Variants in ENG observed in about 807,000 individuals in gnomAD.
ENG encodes the protein CD105 antigen.
A neutral mutation model predicts 71.0 loss-of-function variants in ENG; 17 were observed. The observed-to-expected ratio is 0.24, with a 90% confidence interval of 0.16 to 0.36. ENG has a LOEUF of 0.36. Ranked by LOEUF, ENG falls within the 10% of genes least tolerant of loss-of-function variation. ENG has a pLI of 1.00. For missense variants in ENG, 749 were observed against 868.3 expected, an observed-to-expected ratio of 0.86 and a Z score of 1.73; for synonymous variants, 360 against 366.9, an observed-to-expected ratio of 0.98 and a Z score of 0.21.
rs1830619812 is a variant in ENG, at chr9:127,826,532, G to A, written c.501C>T (p.Ser167=). The A allele has an allele frequency of 1.2e-6, 2 of 1,614,126 alleles. No individual in the cohort carries two copies. Among genetic ancestry groups the A allele is most frequent in the Non-Finnish European group, 1.7e-6 (2 of 1,179,990 alleles). Reference sequence around the variant, plus strand: ...GACCTTGGCCCAGTCGGAGGAGGATGCTCTGGGGGTCATTCAGCTCAGCAG... The same window carrying A: ...GACCTTGGCCCAGTCGGAGGAGGATACTCTGGGGGTCATTCAGCTCAGCAG... ...TSAAELNDPQ[S]ILLRLGQAQG... Residue 167 remains serine, a synonymous_variant, in exon 4 of 15, where the codon AGC becomes AGT. Transcript: ENST00000373203.
chr9:127,816,202 G>C, intron 13 of ENG, 149 bp from the exon 14 acceptor site: 1 of 1,009,592 alleles, frequency 9.9e-7, no homozygotes, highest in Non-Finnish European at 1.5e-6. Flanking sequence ...TGCAGCAAAC[G>C]GGCTCATCAC....
At chr9:127,819,876 T>C (rs1199153414) in intron 9 of ENG, 24 bp downstream of exon 9, 1 of 1,614,188 alleles carries the variant, frequency 6.2e-7, no homozygotes, top group Non-Finnish European at 8.5e-7. Context: ...CTGGTCCTGA[T>C]ACCTTTTTGG....
chr9:127,819,939 G>A lies in ENG; in HGVS notation c.1233C>T (p.Ser411=), dbSNP rs137870512. Residue 411 remains serine, a synonymous_variant, in exon 9 of 15, where the codon AGC becomes AGT. Transcript: ENST00000373203. The stretch of plus-strand genomic sequence containing the variant: ...TACTTGCTGACACCTGCATGCCACA[G>A]CTGGAGTAAGCACTGCGCAAGACAA... ...DKFVLRSAYS[S]CGMQVSASMI... is the part of the protein sequence containing the mutation. 90 of 1,614,228 alleles carry A rather than the reference G, an allele frequency of 5.6e-5. No individual in the cohort carries two copies. The African/African-American group carries it at 1.1e-3, about 20-fold the overall frequency.
chr9:127,850,849 G>A (rs1019130076), intron 1 of ENG, among the ~76,000 whole-genome samples: 4 of 152,172 alleles, frequency 2.6e-5, no homozygotes, highest in Admixed American at 6.5e-5. Flanking sequence ...TGTGCATTGT[G>A]GTAGTATTTA....
chr9:127,834,367 A>G (rs927045558), intron 2 of ENG, among the ~76,000 whole-genome samples: 1 of 151,926 alleles, frequency 6.6e-6, no homozygotes, highest in Non-Finnish European at 1.5e-5. Context: ...CCTCCCGAGC[A>G]GCTGGGACTA....
Position 127,819,668 on chromosome 9 carries a change from GA to G in ENG, c.1273-9del. On this transcript the variant is annotated splice_polypyrimidine_tract_variant and intron_variant, in intron 9 of 14. Coordinates refer to ENST00000373203, the MANE Select transcript of ENG (RefSeq NM_001114753.3). Reference sequence around the variant, plus strand: ...CAGGATATTGACCACCGCCTGCGGGGATAAAGCCAGGGAGCTGGTCAGAGCC... The same window carrying G: ...CAGGATATTGACCACCGCCTGCGGGGTAAAGCCAGGGAGCTGGTCAGAGCC... 2 of 1,607,262 alleles carry G rather than the reference GA, an allele frequency of 1.2e-6. No individual in the cohort carries two copies. Among genetic ancestry groups the G allele is most frequent in the Non-Finnish European group, 1.7e-6 (2 of 1,176,822 alleles).
At chr9:127,816,846 T>C (rs1285675080) in intron 13 of ENG, 3 of 495,422 alleles carry the variant, frequency 6.1e-6, no homozygotes, top group Non-Finnish European at 1.1e-5. Context: ...GACTCCATCC[T>C]CCCAGCAAGG....
chr9:127,843,989 T>G (rs1311544584), intron 1 of ENG, among the ~76,000 whole-genome samples: 4 of 149,266 alleles, frequency 2.7e-5, no homozygotes, highest in Admixed American at 2.7e-4. Context: ...CAGGTTGGTC[T>G]CGAACTCCTG....
At chr9:127,839,847 C>T (rs1443436570) in intron 2 of ENG, among the ~76,000 whole-genome samples, 3 of 152,126 alleles carry the variant, frequency 2.0e-5, no homozygotes, top group Non-Finnish European at 2.9e-5. Context: ...TGAGCCACTG[C>T]GCCTGACCTG....
At chr9:127,834,160 C>T (rs528837912) in intron 2 of ENG, among the ~76,000 whole-genome samples, 21 of 152,356 alleles carry the variant, frequency 1.4e-4, no homozygotes, top group South Asian at 1.0e-3. Flanking sequence ...GCCACCTCCG[C>T]CTCCTGGGTT....
rs146160476 is a variant in ENG, at chr9:127,823,390, C to CTT, written c.1134+912_1134+913dup. On this transcript the variant is annotated intron_variant, in intron 8 of 14. Transcript: ENST00000373203. The stretch of plus-strand genomic sequence containing the variant: ...CCAGGCAGTGATCATATTGTATAGG[C>CTT]TTTTTTTTTTTTCTTTGAGATGGAG... Among the ~76,000 whole-genome samples the CTT allele has an allele frequency of 5.6e-5, 8 of 143,118 alleles. No homozygotes were observed. The East Asian group carries it at 1.6e-3, about 29-fold the overall frequency. 93.9% of individuals were successfully genotyped at this position (143,118 alleles called of 152,430 possible). A position where few individuals can be genotyped will look rare whatever the true frequency, so the allele number is the denominator to read the frequency against.
At chr9:127,823,425 G>C (rs1476550576) in intron 8 of ENG, among the ~76,000 whole-genome samples, 1 of 147,184 alleles carries the variant, frequency 6.8e-6, no homozygotes, top group East Asian at 2.0e-4. Context: ...GTCTCTCTCT[G>C]TCACCCAAGC....
chr9:127,828,410 T>C (rs762019159), intron 3 of ENG, among the ~76,000 whole-genome samples: 1 of 152,156 alleles, frequency 6.6e-6, no homozygotes, highest in Non-Finnish European at 1.5e-5. Flanking sequence ...TTGGCCTCTT[T>C]GTCCCCTCTG....
At chr9:127,825,458 GGT>G in intron 5 of ENG, 101 bp from the exon 6 acceptor site, 1 of 1,570,388 alleles carries the variant, frequency 6.4e-7, no homozygotes, top group Non-Finnish European at 8.6e-7. Flanking sequence ...TACCTGGCCA[GGT>G]GTGGGTTTAT....
chr9:127,826,921 C>T, intron 3 of ENG: 1 of 529,088 alleles, frequency 1.9e-6, no homozygotes, highest in Non-Finnish European at 3.4e-6. Flanking sequence ...GTCCAAACAT[C>T]ACCCACCCCT....
At chr9:127,815,904 G>A (rs1477038040) in intron 14 of ENG, 39 bp downstream of exon 14, 3 of 1,576,110 alleles carry the variant, frequency 1.9e-6, no homozygotes, top group South Asian at 1.2e-5. Flanking sequence ...GTGGATGGAG[G>A]GGCCCGGCAT....
At chr9:127,839,340 C>T (rs1240588303) in intron 2 of ENG, among the ~76,000 whole-genome samples, 1 of 152,098 alleles carries the variant, frequency 6.6e-6, no homozygotes, top group East Asian at 1.9e-4. Flanking sequence ...GCTCTAGACC[C>T]CACTCTTAGG....
chr9:127,820,091 C>CT, intron 8 of ENG, 54 bp from the exon 9 acceptor site: 1 of 1,595,566 alleles, frequency 6.3e-7, no homozygotes, highest in Non-Finnish European at 8.5e-7. Context: ...CTGTGGCCTG[C>CT]CACACCCCAG....
At position 127,826,494 on chromosome 9, in the gene ENG, T is replaced by G. The variant is rs760071963; in HGVS notation, c.523+16A>C. 3.1e-6 allele frequency: 5 copies of G among 1,613,922 alleles called. No homozygotes were observed. Among genetic ancestry groups the G allele is most frequent in the Middle Eastern group, 1.7e-4 (1 of 6,048 alleles). ...AGCAGTATCATGAGCCCAGAGAGGT[T>G]GCTGGGGAAACTGACCTTGGCCCAG... On this transcript the variant is annotated intron_variant, in intron 4 of 14. Transcript: ENST00000373203.
Sources: gnomAD v4.1 joint callset for allele counts (sites outside exome capture counted in the v4.1 genomes callset) on GRCh38, gnomAD v4.1.1 for gene constraint, MANE v1.5 for transcripts, NCBI Gene and HGNC (gene_info 2026-07-23, HGNC 2026-07-21) for gene names.